MRC2: variants seen among roughly 807,000 people sequenced by gnomAD.
MRC2 encodes mannose receptor C-type 2.
A neutral mutation model predicts 206.2 loss-of-function variants in MRC2; 84 were observed. The observed-to-expected ratio is 0.41, with a 90% confidence interval of 0.34 to 0.49. The LOEUF (loss-of-function observed/expected upper bound fraction) is 0.49. Among genes scored for constraint, MRC2 ranks in the 20% least tolerant of loss-of-function variants. The probability of loss-of-function intolerance (pLI) is 0.31; values close to 1 mark genes in which losing one functional copy is unlikely to be tolerated. For synonymous variants in MRC2, 798 were observed against 800.0 expected (o/e 1.00, Z 0.04); for missense variants, 1,676 against 2,001.5 (o/e 0.84, Z 3.10).
Position 62,680,392 on chromosome 17 carries a change from C to T in MRC2, c.2438-26C>T, listed in dbSNP as rs756233011. 6.2e-7 allele frequency: 1 copy of T among 1,614,074 alleles called. No homozygotes were observed. Among genetic ancestry groups the T allele is most frequent in the South Asian group, 1.1e-5 (1 of 91,082 alleles). ...TTCCAGGGAGGGTCTCCTTTCCTCA[C>T]AACGTCTTTGTCCTTGTTCCCCTAG... is the stretch of plus-strand genomic sequence containing the variant. On this transcript the variant is annotated intron_variant, in intron 15 of 29. Transcript: ENST00000303375. This position sits in a 1 kb window ranked among gnomAD's most constrained non-coding sequence, Gnocchi z 4.8.
At chr17:62,686,785 A>C (rs1172379402) in intron 20 of MRC2, among the ~76,000 whole-genome samples, 1 of 152,108 alleles carries the variant, frequency 6.6e-6, no homozygotes, top group East Asian at 1.9e-4. Flanking sequence ...GATGAATTCT[A>C]CTCATGATTT....
intron 1 of MRC2, among the ~76,000 whole-genome samples, chr17:62,642,173 A>G (rs1374782359): frequency 6.6e-6 from 1 of 152,086 alleles, no homozygotes; most frequent in Non-Finnish European, 1.5e-5. Context: ...TGTCTCTTTA[A>G]TCTCCTTTAA....
intron 1 of MRC2, among the ~76,000 whole-genome samples, chr17:62,629,361 A>G (rs1194260511): frequency 1.3e-5 from 2 of 152,184 alleles, no homozygotes; most frequent in African/African-American, 4.8e-5. Context: ...AGCTTTTCAT[A>G]GAGGGGGCTG....
chr17:62,657,849 G>C (rs1442957346), intron 1 of MRC2, among the ~76,000 whole-genome samples: 2 of 152,140 alleles, frequency 1.3e-5, no homozygotes, highest in East Asian at 1.9e-4. Flanking sequence ...TGGAGAAAGA[G>C]CCTCTTTTCA....
intron 13 of MRC2, among the ~76,000 whole-genome samples, chr17:62,679,102 C>T (rs1389359586): frequency 6.6e-6 from 1 of 152,162 alleles, no homozygotes; most frequent in Non-Finnish European, 1.5e-5. Context: ...CATGGGCCTC[C>T]CTCTGAGACA....
In MRC2 at chr17:62,680,132, C is replaced by T. The variant is rs780169287; in HGVS notation, c.2299-38C>T. 1.9e-6 allele frequency: 3 copies of T among 1,612,774 alleles called. No homozygotes were observed. Among genetic ancestry groups the T allele is most frequent in the Middle Eastern group, 1.7e-4 (1 of 5,948 alleles). On this transcript the variant is annotated intron_variant, in intron 14 of 29. Transcript: ENST00000303375. This position sits in a 1 kb window ranked among gnomAD's most constrained non-coding sequence, Gnocchi z 4.8. ...GGGCATGGGGGCGGCCTGCACCTTG[C>T]GCCTCACGTTCCTCTTCCCTCCACC...
At chr17:62,656,133 G>A (rs898420287) in intron 1 of MRC2, among the ~76,000 whole-genome samples, 6 of 152,002 alleles carry the variant, frequency 3.9e-5, no homozygotes, top group African/African-American at 9.7e-5. Context: ...TGCAACCTCC[G>A]CCTCCTGGGT....
chr17:62,662,970 T>C (rs2088699196), intron 1 of MRC2, among the ~76,000 whole-genome samples: 1 of 152,150 alleles, frequency 6.6e-6, no homozygotes, highest in Admixed American at 6.6e-5. Flanking sequence ...ATTCATCATT[T>C]CAACACATGA....
intron 1 of MRC2, among the ~76,000 whole-genome samples, chr17:62,647,880 C>G (rs2088509121): frequency 6.6e-6 from 1 of 152,164 alleles, no homozygotes; most frequent in East Asian, 1.9e-4. Flanking sequence ...CTCAGCCATC[C>G]CTGCCAACTA....
rs149908683 is a variant in MRC2, at chr17:62,664,740, C to T, written c.311C>T (p.Thr104Met). The change falls in exon 2 of 30, where the codon ACG becomes ATG. Residue 104 changes from threonine to methionine, a missense_variant. Physicochemically the swap from Thr to Met is moderately conservative, Grantham distance 81. Around this residue, in one of 3 missense-constraint regions of MRC2, gnomAD observed 318 missense variants for 346.7 expected, o/e 0.92. Transcript: ENST00000303375. This position sits in a 1 kb window ranked among gnomAD's most constrained non-coding sequence, Gnocchi z 4.7. Reference sequence around the variant, plus strand: ...ACAGGCTGGCCAGGCACCAACACCACGGCCTCCCTGGGCATGTATGAGTGT... The same window carrying T: ...ACAGGCTGGCCAGGCACCAACACCATGGCCTCCCTGGGCATGTATGAGTGT... ...LGTGWPGTNT[T>M]ASLGMYECDR... The T allele has an allele frequency of 7.1e-5, 114 of 1,614,012 alleles. No homozygotes were observed. The highest frequency in any genetic ancestry group is 8.6e-5 in the Non-Finnish European group (102 of 1,180,044).
At chr17:62,674,707 G>T (rs944067012) in intron 9 of MRC2, among the ~76,000 whole-genome samples, 4 of 151,938 alleles carry the variant, frequency 2.6e-5, no homozygotes, top group Non-Finnish European at 4.4e-5. Context: ...GTTGAGGGGG[G>T]GGGTGTCAAG....
In MRC2 at chr17:62,674,160, G is replaced by A. The variant is rs990503070; in HGVS notation, c.1559G>A (p.Gly520Asp). 5 of 1,548,904 alleles carry A rather than the reference G, an allele frequency of 3.2e-6. No individual in the cohort carries two copies. Among genetic ancestry groups the A allele is most frequent in the Admixed American group, 4.0e-5 (2 of 50,626 alleles). The part of the protein sequence containing the change: ...LSQGAAEEDH[G>D]CRKGWTWHSP... ...CAGGGGGCCGCCGAGGAGGACCATG[G>A]CTGCCGGAAGGTGAGGGTGTTTCTG... The change falls in exon 9 of 30, where the codon GGC (glycine) becomes GAC (aspartate). Residue 520 changes from glycine to aspartate, a missense_variant. Physicochemically the swap from Gly to Asp is moderately conservative, Grantham distance 94. Around this residue, in one of 3 missense-constraint regions of MRC2, gnomAD observed 1,354 missense variants for 1,636.6 expected, o/e 0.83. Transcript: ENST00000303375.
chr17:62,688,551 C>T lies in MRC2; in HGVS notation c.3112C>T (p.Leu1038Phe). Residue 1038 changes from leucine to phenylalanine, a missense_variant, in exon 22 of 30, where the codon CTC becomes TTC. Physicochemically the swap from Leu to Phe is conservative, Grantham distance 22. Transcript: ENST00000303375. ...TGTGACCTTTGACCTTTGGATTGGC[C>T]TCCATGCCTCGCAGAGGGACTTCCA... The part of the protein sequence containing the change: ...PNVTFDLWIG[L>F]HASQRDFQWV... 6.2e-7 allele frequency: 1 copy of T among 1,614,264 alleles called. No individual in the cohort carries two copies. Among genetic ancestry groups the T allele is most frequent in the Non-Finnish European group, 8.5e-7 (1 of 1,180,044 alleles).
intron 1 of MRC2, among the ~76,000 whole-genome samples, chr17:62,661,250 A>G (rs950110971): frequency 1.4e-4 from 22 of 152,198 alleles, no homozygotes; most frequent in Non-Finnish European, 2.2e-4. Flanking sequence ...TCATTTGAAG[A>G]ATGATGAATT....
At chr17:62,686,266 A>C (rs1440075573) in intron 20 of MRC2, among the ~76,000 whole-genome samples, 1 of 152,176 alleles carries the variant, frequency 6.6e-6, no homozygotes, top group Non-Finnish European at 1.5e-5. Context: ...CAGCCTGGCC[A>C]ACATGGTGAA....
In MRC2 at chr17:62,680,018, G is replaced by A; in HGVS notation, c.2298+116G>A. On this transcript the variant is annotated intron_variant, in intron 14 of 29. Transcript: ENST00000303375. This position sits in a 1 kb window ranked among gnomAD's most constrained non-coding sequence, Gnocchi z 4.8. ...CTTGAGGGCCGGGCCCCCAGTCGGAGCCGGCTTCAGGAAAGCAGGTCCGAG... is the reference window on the plus strand; with the variant it reads ...CTTGAGGGCCGGGCCCCCAGTCGGAACCGGCTTCAGGAAAGCAGGTCCGAG... The A allele has an allele frequency of 1.4e-6, 2 of 1,477,358 alleles. No individual in the cohort carries two copies. Among genetic ancestry groups the A allele is most frequent in the Admixed American group, 4.0e-5 (2 of 50,614 alleles). 91.5% of individuals were successfully genotyped at this position (1,477,358 alleles called of 1,614,324 possible). A position where few individuals can be genotyped will look rare whatever the true frequency, so the allele number is the denominator to read the frequency against.
In MRC2 at chr17:62,688,511, A is replaced by G. The variant is rs760922253; in HGVS notation, c.3072A>G (p.Thr1024=). Residue 1024 remains threonine (T), a synonymous_variant, in exon 22 of 30, where the codon ACA becomes ACG. Transcript: ENST00000303375. ...ITNPLEQAFI[T]ASLPNVTFDL... is the part of the protein sequence containing the mutation. ...TTCTGGGGACCATAGCATTCATCAC[A>G]GCCAGCCTGCCCAATGTGACCTTTG... The G allele has an allele frequency of 6.2e-7, 1 of 1,614,236 alleles. No individual in the cohort carries two copies. Among genetic ancestry groups the G allele is most frequent in the Non-Finnish European group, 8.5e-7 (1 of 1,180,040 alleles).
Position 62,688,313 on chromosome 17 carries a change from C to T in MRC2, c.2971C>T (p.Pro991Ser), listed in dbSNP as rs2089057391. ...GTGTTTTCAGGTCCAGGGCCAGGAACCCCAGAGCCGGGTGAAGTGGTCAGA... is the reference window on the plus strand; with the variant it reads ...GTGTTTTCAGGTCCAGGGCCAGGAATCCCAGAGCCGGGTGAAGTGGTCAGA... Reference protein sequence around the residue: ...NKCFQVQGQEPQSRVKWSEAQ... With the variant: ...NKCFQVQGQESQSRVKWSEAQ... The change falls in exon 21 of 30, where the codon CCC becomes TCC. Residue 991 changes from proline to serine, a missense_variant. Pro to Ser is a moderately conservative substitution (Grantham distance 74, BLOSUM62 -1). Transcript: ENST00000303375. 1 of 1,614,156 alleles carries T rather than the reference C, an allele frequency of 6.2e-7. No homozygotes were observed. The highest frequency in any genetic ancestry group is 2.2e-5 in the East Asian group (1 of 44,878).
intron 20 of MRC2, among the ~76,000 whole-genome samples, chr17:62,687,504 T>C (rs1175646107): frequency 6.6e-6 from 1 of 152,174 alleles, no homozygotes; most frequent in Non-Finnish European, 1.5e-5. Context: ...CAGAAAATCA[T>C]TAGATATTCA....
Sources: allele counts gnomAD v4.1 joint callset (sites outside exome capture counted in the v4.1 genomes callset), GRCh38; gene constraint gnomAD v4.1.1; regional missense constraint gnomAD v4.1.1; non-coding constraint Gnocchi (gnomAD v3.1); transcripts MANE v1.5; gene names NCBI Gene and HGNC (gene_info 2026-07-23, HGNC 2026-07-21).